The following MYO5B variants were observed in gnomAD, a reference collection of about 807,000 sequenced individuals.
MYO5B encodes myosin VB.
A neutral mutation model predicts 229.3 loss-of-function variants in MYO5B; 143 were observed. That is an observed-to-expected ratio of 0.62 (90% confidence interval 0.54 to 0.72). The LOEUF (loss-of-function observed/expected upper bound fraction) is 0.72. Ranked by LOEUF, MYO5B falls within the 30% of genes least tolerant of loss-of-function variation. MYO5B has a pLI of 0.00. For synonymous variants in MYO5B, 918 were observed against 885.2 expected, an observed-to-expected ratio of 1.04 and a Z score of -0.66; for missense variants, 2,321 against 2,331.0, an observed-to-expected ratio of 1.00 and a Z score of 0.09.
Position 50,161,532 on chromosome 18 carries a change from T to TG in MYO5B, c.27+33234dup, listed in dbSNP as rs574217396. Among the ~76,000 whole-genome samples, 389 of 69,004 alleles carry TG rather than the reference T, an allele frequency of 5.6e-3. 2 individuals are homozygous for TG. Among genetic ancestry groups the TG allele is most frequent in the African/African-American group, 0.02 (362 of 18,328 alleles). The allele number at this position is 69,004 out of a possible 152,430, so 45.3% of individuals were successfully genotyped here. ...AAAGGACTAGGGTTTCGGGGCGGGG[T>TG]GGGGGGGCACAGGAGTCACTGCTCT... On this transcript the variant is annotated intron_variant, in intron 1 of 39. Coordinates refer to ENST00000285039, the MANE Select transcript of MYO5B (RefSeq NM_001080467.3).
rs765610800 is a variant in MYO5B at position 50,070,018 on chromosome 18, C to CTTTTTTTT, written c.28-14648_28-14641dup. 6.8e-4 allele frequency among the ~76,000 whole-genome samples: 75 copies of CTTTTTTTT among 110,060 alleles called. 2 individuals carry two copies. Among genetic ancestry groups the CTTTTTTTT allele is most frequent in the African/African-American group, 2.8e-3 (74 of 26,504 alleles). The allele number at this position is 110,060 out of a possible 152,430, so 72.2% of individuals were successfully genotyped here. ...CTTACCTGAAATATTGCAATTTAGT[C>CTTTTTTTT]TTTTTTTTTTTTTTTTTTTTTGAGA... On this transcript the variant is annotated intron_variant, in intron 1 of 39. Transcript: ENST00000285039.
rs2024269270 is a variant in MYO5B, at chr18:49,856,894, G to C, written c.3945-4C>G. 1.2e-6 allele frequency: 2 copies of C among 1,613,542 alleles called. No individual in the cohort carries two copies. The highest frequency in any genetic ancestry group is 1.7e-6 in the Non-Finnish European group (2 of 1,179,432). On this transcript the variant is annotated splice_region_variant and splice_polypyrimidine_tract_variant and intron_variant, in intron 29 of 39. Transcript: ENST00000285039. ...ATATCCCCAATCCTCAGTCTTGCTAGAAACAAAGGACAGAAAAACAGGGTG... is the reference window on the plus strand; with the variant it reads ...ATATCCCCAATCCTCAGTCTTGCTACAAACAAAGGACAGAAAAACAGGGTG...
At chr18:50,047,657 A>G (rs1214166277) in intron 2 of MYO5B, among the ~76,000 whole-genome samples, 1 of 152,150 alleles carries the variant, frequency 6.6e-6, no homozygotes, top group African/African-American at 2.4e-5. Context: ...TTATTGCGGC[A>G]CTATTCACAA....
At chr18:49,899,816 G>A (rs533342678) in intron 21 of MYO5B, among the ~76,000 whole-genome samples, 27 of 152,288 alleles carry the variant, frequency 1.8e-4, no homozygotes, top group Non-Finnish European at 3.1e-4. Flanking sequence ...CACTCCTCCC[G>A]TCTTTTCTGA....
At chr18:50,083,523 C>T (rs1040999316) in intron 1 of MYO5B, among the ~76,000 whole-genome samples, 3 of 152,198 alleles carry the variant, frequency 2.0e-5, no homozygotes, top group African/African-American at 7.2e-5. Flanking sequence ...GTTTTAGGAG[C>T]TGTGTGCCAA....
At chr18:50,141,160 GACA>G (rs767573622) in intron 1 of MYO5B, among the ~76,000 whole-genome samples, 2 of 152,122 alleles carry the variant, frequency 1.3e-5, no homozygotes, top group Non-Finnish European at 2.9e-5. Context: ...GCTAAAAAAG[GACA>G]ACAAGGAAAC....
At chr18:50,106,549 A>G (rs2031763550) in intron 1 of MYO5B, among the ~76,000 whole-genome samples, 1 of 152,158 alleles carries the variant, frequency 6.6e-6, no homozygotes, top group African/African-American at 2.4e-5. Context: ...TCATGCTCTT[A>G]TTGCTAGGCC....
At chr18:50,008,258 G>C (rs1304745731) in intron 4 of MYO5B, among the ~76,000 whole-genome samples, 1 of 152,090 alleles carries the variant, frequency 6.6e-6, no homozygotes, top group Non-Finnish European at 1.5e-5. Context: ...TCACTATACA[G>C]TGTACTAACA....
At chr18:49,991,571 G>C (rs551536351) in intron 6 of MYO5B, among the ~76,000 whole-genome samples, 16 of 152,260 alleles carry the variant, frequency 1.1e-4, no homozygotes, top group Non-Finnish European at 1.9e-4. Context: ...GGTAAGCGAA[G>C]AACAGTGAAG....
intron 1 of MYO5B, among the ~76,000 whole-genome samples, chr18:50,092,405 G>A (rs1294026281): frequency 6.6e-6 from 1 of 152,176 alleles, no homozygotes; most frequent in African/African-American, 2.4e-5. Context: ...AAGGTCACAT[G>A]GCATAATGGA....
At chr18:49,931,921 C>T (rs983390020) in intron 16 of MYO5B, among the ~76,000 whole-genome samples, 2 of 152,190 alleles carry the variant, frequency 1.3e-5, no homozygotes, top group African/African-American at 4.8e-5. Flanking sequence ...CCAAGCCAGC[C>T]ACCGGCTTCT....
At chr18:49,989,526 T>C (rs77598728) in intron 7 of MYO5B, among the ~76,000 whole-genome samples, 1,661 of 151,636 alleles carry the variant, frequency 0.011, 36 homozygotes, top group African/African-American at 0.038. Context: ...GCTGCTGGGC[T>C]CAAGGCTTGC....
At chr18:49,994,259 T>C (rs2025963690) in intron 5 of MYO5B, among the ~76,000 whole-genome samples, 1 of 152,202 alleles carries the variant, frequency 6.6e-6, no homozygotes, top group Admixed American at 6.5e-5. Flanking sequence ...ATTATACATC[T>C]GCTTCAGCAC....
intron 1 of MYO5B, among the ~76,000 whole-genome samples, chr18:50,102,684 C>G (rs1160872975): frequency 6.6e-6 from 1 of 151,998 alleles, no homozygotes; most frequent in African/African-American, 2.4e-5. Context: ...GCAGCAGCAC[C>G]TGCAAGCTTG....
chr18:50,184,914 A>G (rs2033126671), intron 1 of MYO5B, among the ~76,000 whole-genome samples: 1 of 148,654 alleles, frequency 6.7e-6, no homozygotes, highest in Non-Finnish European at 1.5e-5. Flanking sequence ...ATATATATAT[A>G]TATTATTTTT....
At chr18:50,062,205 C>T (rs551792950) in intron 1 of MYO5B, among the ~76,000 whole-genome samples, 2 of 152,104 alleles carry the variant, frequency 1.3e-5, no homozygotes, top group Non-Finnish European at 1.5e-5. Context: ...CAACGATACG[C>T]CAAGTTAAGC....
intron 1 of MYO5B, among the ~76,000 whole-genome samples, chr18:50,086,454 C>T (rs1347691233): frequency 1.3e-5 from 2 of 152,208 alleles, no homozygotes; most frequent in East Asian, 1.9e-4. Flanking sequence ...ATAGATCTGG[C>T]TTACTCATTT....
At chr18:49,826,738 G>T in intron 39 of MYO5B, 115 bp from the exon 40 acceptor site, 1 of 1,268,166 alleles carries the variant, frequency 7.9e-7, no homozygotes, top group Non-Finnish European at 1.1e-6. Flanking sequence ...CGACAATTAG[G>T]TAGAACTTCA....
At position 50,041,938 on chromosome 18, in the gene MYO5B, A is replaced by G. The variant is rs564491922; in HGVS notation, c.139-1624T>C. Among the ~76,000 whole-genome samples, 15 of 152,322 alleles carry G rather than the reference A, an allele frequency of 9.8e-5. No homozygotes were observed. The East Asian group carries it at 2.5e-3, about 25-fold the overall frequency. ...AATTAAAAAGAAAACCAACACCCCA[A>G]CAGAAAATCATACCTAGAATACAAA... On this transcript the variant is annotated intron_variant, in intron 2 of 39. Coordinates refer to ENST00000285039, the MANE Select transcript of MYO5B (RefSeq NM_001080467.3).
Sources: gnomAD v4.1 joint callset for allele counts (sites outside exome capture counted in the v4.1 genomes callset) on GRCh38, gnomAD v4.1.1 for gene constraint, MANE v1.5 for transcripts, NCBI Gene and HGNC (gene_info 2026-07-23, HGNC 2026-07-21) for gene names.